The following GABRB1 variants were observed in gnomAD, a reference collection of about 807,000 sequenced individuals.
GABRB1 encodes gamma-aminobutyric acid receptor subunit beta-1.
A neutral mutation model predicts 51.6 loss-of-function variants in GABRB1; 17 were observed. That is an observed-to-expected ratio of 0.33 (90% CI 0.23 to 0.49). The LOEUF is 0.49. GABRB1 is among the 20% of genes least tolerant of loss of function. The pLI is 0.99. For missense variants in GABRB1, 410 were observed against 600.6 expected, an observed-to-expected ratio of 0.68 and a Z score of 3.32; for synonymous variants, 247 against 218.9, an observed-to-expected ratio of 1.13 and a Z score of -1.14.
intron 5 of GABRB1, among the ~76,000 whole-genome samples, chr4:47,398,557 TAGAGAG>T (rs1182836628): frequency 9.9e-5 from 15 of 151,528 alleles, no homozygotes; most frequent in South Asian, 2.1e-4. Context: ...CTCATATATA[TAGAGAG>T]AGAGAGAGAG....
intron 1 of GABRB1, among the ~76,000 whole-genome samples, chr4:47,002,863 G>A (rs1437927141): frequency 2.0e-5 from 3 of 152,168 alleles, no homozygotes; most frequent in African/African-American, 7.2e-5. Context: ...GAGAGTTAAA[G>A]GGAGTGAATG....
intron 3 of GABRB1, among the ~76,000 whole-genome samples, chr4:47,080,726 C>G (rs1727798784): frequency 1.3e-5 from 2 of 152,094 alleles, no homozygotes; most frequent in Admixed American, 1.3e-4. Context: ...GCTTCATGTT[C>G]TTTTTAATAA....
intron 4 of GABRB1, among the ~76,000 whole-genome samples, chr4:47,246,124 C>T (rs914357416): frequency 6.7e-6 from 1 of 149,486 alleles, no homozygotes; most frequent in Non-Finnish European, 1.5e-5. Context: ...GCCTTTGCAT[C>T]CTCATAACTT....
chr4:47,131,866 C>A (rs1425060173), intron 3 of GABRB1, among the ~76,000 whole-genome samples: 1 of 152,080 alleles, frequency 6.6e-6, no homozygotes, highest in Non-Finnish European at 1.5e-5. Context: ...AGAACCATTA[C>A]TAATTTATCC....
intron 5 of GABRB1, among the ~76,000 whole-genome samples, chr4:47,364,394 T>G (rs1288342396): frequency 6.6e-6 from 1 of 151,296 alleles, no homozygotes; most frequent in Non-Finnish European, 1.5e-5. Context: ...AAAGTAGAAG[T>G]TGGAGTAAAA....
At chr4:47,037,163 C>T (rs1021328787) in intron 3 of GABRB1, among the ~76,000 whole-genome samples, 3 of 152,184 alleles carry the variant, frequency 2.0e-5, no homozygotes, top group African/African-American at 4.8e-5. Context: ...CTCCACAGTA[C>T]TATCCTGTTG....
chr4:47,143,108 G>A (rs891179309), intron 3 of GABRB1, among the ~76,000 whole-genome samples: 6 of 151,790 alleles, frequency 4.0e-5, no homozygotes, highest in Admixed American at 2.0e-4. Flanking sequence ...GTTTGTACCA[G>A]TACTTTTAGC....
At chr4:47,261,271 A>G (rs1722425712) in intron 4 of GABRB1, among the ~76,000 whole-genome samples, 1 of 152,196 alleles carries the variant, frequency 6.6e-6, no homozygotes, top group African/African-American at 2.4e-5. Flanking sequence ...CTGTTTGCAG[A>G]TGACATGATT....
intron 3 of GABRB1, among the ~76,000 whole-genome samples, chr4:47,041,065 G>A (rs879444520): frequency 3.9e-5 from 6 of 152,138 alleles, no homozygotes; most frequent in Non-Finnish European, 7.3e-5. Context: ...GTGTTTCCAT[G>A]TGAGATTGCA....
In GABRB1 at chr4:47,358,350, TA is replaced by T. The variant is rs1368882573; in HGVS notation, c.544+38142del. 2.0e-5 allele frequency among the ~76,000 whole-genome samples: 3 copies of T among 148,366 alleles called. No homozygotes were observed. The East Asian group carries it at 5.9e-4, about 29-fold the overall frequency. On this transcript the variant is annotated intron_variant, in intron 5 of 8. Coordinates refer to ENST00000295454, the MANE Select transcript of GABRB1 (RefSeq NM_000812.4). ...ATACATGCTATATATATGCATATTA[TA>T]TATGTGTGTGTGTATATATATGTGT...
At chr4:47,174,129 A>G (rs1470270651) in intron 4 of GABRB1, among the ~76,000 whole-genome samples, 1 of 152,036 alleles carries the variant, frequency 6.6e-6, no homozygotes, top group Non-Finnish European at 1.5e-5. Context: ...CAGTGGTGCA[A>G]TCATGGCTCA....
chr4:47,089,298 C>G (rs1179366866), intron 3 of GABRB1, among the ~76,000 whole-genome samples: 1 of 152,102 alleles, frequency 6.6e-6, no homozygotes, highest in Non-Finnish European at 1.5e-5. Flanking sequence ...CAGTAAATCC[C>G]CATAATCTGC....
intron 3 of GABRB1, among the ~76,000 whole-genome samples, chr4:47,077,917 A>ATG (rs1311968563): frequency 7.6e-6 from 1 of 130,730 alleles, no homozygotes; most frequent in Non-Finnish European, 1.6e-5. Flanking sequence ...TATATATTAT[A>ATG]TATTTTATAT....
chr4:47,109,328 A>G (rs1421795969), intron 3 of GABRB1, among the ~76,000 whole-genome samples: 1 of 152,076 alleles, frequency 6.6e-6, no homozygotes, highest in African/African-American at 2.4e-5. Flanking sequence ...TTTAACATTG[A>G]CACTCTGAGT....
intron 1 of GABRB1, among the ~76,000 whole-genome samples, chr4:47,008,464 C>CTT (rs747910509): frequency 4.2e-5 from 6 of 144,044 alleles, no homozygotes; most frequent in Admixed American, 7.0e-5. Context: ...AAATATTTTA[C>CTT]TTTTTTTTTT....
At chr4:47,180,033 C>T (rs986206179) in intron 4 of GABRB1, among the ~76,000 whole-genome samples, 1 of 152,080 alleles carries the variant, frequency 6.6e-6, no homozygotes, top group Middle Eastern at 3.4e-3. Flanking sequence ...TAGCCAAACC[C>T]AGTCTCAAAA....
exon 1 of GABRB1, chr4:46,993,775 A>T (rs2109418211): frequency 4.4e-6 from 1 of 227,590 alleles, no homozygotes; most frequent in South Asian, 5.7e-5. Flanking sequence ...AACTCCGGGG[A>T]TGAGGAACGG....
chr4:47,367,017 C>T (rs780546028), intron 5 of GABRB1, among the ~76,000 whole-genome samples: 4 of 152,140 alleles, frequency 2.6e-5, no homozygotes, highest in African/African-American at 4.8e-5. Flanking sequence ...CAAGGTGTTG[C>T]TTCTGCCATA....
At chr4:47,300,271 G>T (rs1038307879) in intron 4 of GABRB1, among the ~76,000 whole-genome samples, 8 of 151,734 alleles carry the variant, frequency 5.3e-5, no homozygotes, top group Non-Finnish European at 1.2e-4. Context: ...AATTAAAAAA[G>T]TGTTAATAGT....
Sources: allele counts gnomAD v4.1 joint callset (sites outside exome capture counted in the v4.1 genomes callset), GRCh38; gene constraint gnomAD v4.1.1; transcripts MANE v1.5; gene names NCBI Gene and HGNC (gene_info 2026-07-23, HGNC 2026-07-21).